NOS1AP: variants seen among roughly 807,000 people sequenced by gnomAD.
NOS1AP encodes nitric oxide synthase 1 adaptor protein, also known as carboxyl-terminal PDZ ligand of neuronal nitric oxide synthase protein.
Under a neutral mutation model 56.2 loss-of-function variants are expected in NOS1AP, and 21 were observed. The ratio of observed to expected loss-of-function variants is 0.37; its 90% CI spans 0.26 to 0.54. NOS1AP has a LOEUF of 0.54. NOS1AP is among the 20% of genes least tolerant of loss of function. NOS1AP has a pLI of 0.84. For missense variants in NOS1AP, 522 were observed against 657.8 expected (o/e 0.79, Z 2.26); for synonymous variants, 270 against 274.6 (o/e 0.98, Z 0.17).
At chr1:162,353,827 C>T (rs1657603257) in intron 6 of NOS1AP, among the ~76,000 whole-genome samples, 2 of 152,208 alleles carry the variant, frequency 1.3e-5, no homozygotes, top group South Asian at 4.1e-4. Flanking sequence ...AGGCTAAGCA[C>T]CCAGCCATCA....
chr1:162,332,970 G>C, intron 4 of NOS1AP, 47 bp from the exon 5 acceptor site: 1 of 1,358,178 alleles, frequency 7.4e-7, no homozygotes, highest in Non-Finnish European at 1.1e-6. Context: ...TTGGAGATTT[G>C]AACCTAAGGC....
At chr1:162,208,345 T>C (rs559451698) in intron 2 of NOS1AP, among the ~76,000 whole-genome samples, 30 of 152,242 alleles carry the variant, frequency 2.0e-4, no homozygotes, top group Non-Finnish European at 3.5e-4. Flanking sequence ...TTGTTTCATG[T>C]AGCCTTGAGA....
intron 4 of NOS1AP, among the ~76,000 whole-genome samples, chr1:162,302,176 T>C (rs570968448): frequency 6.6e-6 from 1 of 152,344 alleles, no homozygotes; most frequent in South Asian, 2.1e-4. Context: ...AAAAAACAAA[T>C]GTCAATTTTT....
chr1:162,333,256 C>T (rs1033784050), intron 5 of NOS1AP, 131 bp downstream of exon 5: 1 of 707,506 alleles, frequency 1.4e-6, no homozygotes, highest in Admixed American at 2.0e-5. Context: ...AGTCGTCTGT[C>T]ATTGCTCCTA....
At chr1:162,294,189 A>AAGGG in intron 3 of NOS1AP, among the ~76,000 whole-genome samples, 2 of 34,000 alleles carry the variant, frequency 5.9e-5, no homozygotes, top group South Asian at 1.7e-3. Context: ...GGAAGGAAGG[A>AAGGG]AGGAAGTAAG....
intron 4 of NOS1AP, among the ~76,000 whole-genome samples, chr1:162,324,729 T>C (rs1258097739): frequency 6.6e-6 from 1 of 152,198 alleles, no homozygotes; most frequent in Non-Finnish European, 1.5e-5. Context: ...AGGCACACAG[T>C]AGATCTTTGT....
chr1:162,104,673 C>T (rs1190212130), intron 1 of NOS1AP, among the ~76,000 whole-genome samples: 1 of 152,018 alleles, frequency 6.6e-6, no homozygotes, highest in Non-Finnish European at 1.5e-5. Context: ...CTCTGAGATT[C>T]TTTCTTTCAC....
intron 2 of NOS1AP, among the ~76,000 whole-genome samples, chr1:162,257,240 G>T (rs1471887055): frequency 6.6e-6 from 1 of 152,166 alleles, no homozygotes; most frequent in African/African-American, 2.4e-5. Flanking sequence ...CAAATGCTGG[G>T]GAGTTGGTAC....
chr1:162,318,464 G>A (rs1656301059), intron 4 of NOS1AP, among the ~76,000 whole-genome samples: 1 of 152,178 alleles, frequency 6.6e-6, no homozygotes, highest in Admixed American at 6.5e-5. Flanking sequence ...AGCACTTAAT[G>A]CTGTGGGTCT....
In NOS1AP at chr1:162,304,812, A is replaced by G. The variant is rs200405750; in HGVS notation, c.344+4106A>G. The stretch of plus-strand genomic sequence containing the variant: ...TGTGTGTGTGTGTGTGTGTGTGTGT[A>G]TGAGGACTTTTTTCTAAAATATATA... On this transcript the variant is annotated intron_variant, in intron 4 of 9. Transcript: ENST00000361897. Among the ~76,000 whole-genome samples, 8 of 103,692 alleles carry G rather than the reference A, an allele frequency of 7.7e-5. No individual in the cohort carries two copies. The East Asian group carries it at 8.8e-4, about 11-fold the overall frequency. The allele number at this position is 103,692 out of a possible 152,430, so 68.0% of individuals were successfully genotyped here.
At chr1:162,134,199 A>G (rs1648879840) in intron 1 of NOS1AP, among the ~76,000 whole-genome samples, 1 of 152,122 alleles carries the variant, frequency 6.6e-6, no homozygotes, top group Admixed American at 6.5e-5. Context: ...TTTATCTCAA[A>G]GCAAAACTGG....
chr1:162,075,435 C>A lies in NOS1AP; in HGVS notation c.105+5153C>A, dbSNP rs115013573. ...TGGATTTTAGAGATTCCAGTAACCTCAGCAGGATATCTGTGGATGCCTCTT... is the reference window on the plus strand; with the variant it reads ...TGGATTTTAGAGATTCCAGTAACCTAAGCAGGATATCTGTGGATGCCTCTT... On this transcript the variant is annotated intron_variant, in intron 1 of 9. Transcript: ENST00000361897. Among the ~76,000 whole-genome samples the A allele has an allele frequency of 4.9e-3, 740 of 152,332 alleles. 6 individuals are homozygous for A. The highest frequency in any genetic ancestry group is 7.3e-3 in the Non-Finnish European group (498 of 68,028).
intron 8 of NOS1AP, chr1:162,362,879 A>G (rs188970770): frequency 3.4e-6 from 3 of 880,714 alleles, no homozygotes; most frequent in East Asian, 1.2e-4. Context: ...GCCACCCACC[A>G]TCTGACATCC....
At chr1:162,222,148 G>A (rs191915732) in intron 2 of NOS1AP, among the ~76,000 whole-genome samples, 103 of 152,244 alleles carry the variant, frequency 6.8e-4, no homozygotes, top group African/African-American at 2.2e-3. Flanking sequence ...TGCCAATTTC[G>A]TTAGGTAATA....
chr1:162,307,408 T>G (rs1655870590), intron 4 of NOS1AP, among the ~76,000 whole-genome samples: 1 of 152,198 alleles, frequency 6.6e-6, no homozygotes, highest in Admixed American at 6.5e-5. Context: ...AATTCTTCAG[T>G]TATGAGTTTA....
chr1:162,121,705 C>T (rs10918705), intron 1 of NOS1AP, among the ~76,000 whole-genome samples: 35,689 of 152,060 alleles, frequency 0.23, 8,113 homozygotes, highest in African/African-American at 0.6. Flanking sequence ...ACAATAACAA[C>T]AAAAATAACA....
chr1:162,352,388 G>A (rs1186609540), intron 6 of NOS1AP, among the ~76,000 whole-genome samples: 1 of 151,192 alleles, frequency 6.6e-6, no homozygotes. Context: ...TACCCCTTAA[G>A]TGTTGGAATT....
At chr1:162,287,572 T>C (rs762973818) in intron 3 of NOS1AP, 136 bp downstream of exon 3, 76 of 731,864 alleles carry the variant, frequency 1.0e-4, no homozygotes, top group Non-Finnish European at 1.7e-4. Context: ...TGAGCAGCAA[T>C]GGTGCTGACA....
chr1:162,207,548 G>A (rs917718444), intron 2 of NOS1AP, among the ~76,000 whole-genome samples: 3 of 152,226 alleles, frequency 2.0e-5, no homozygotes, highest in South Asian at 2.1e-4. Context: ...ACTTTACAGG[G>A]TTGTGGTCAA....
Sources: allele counts gnomAD v4.1 joint callset (sites outside exome capture counted in the v4.1 genomes callset), GRCh38; gene constraint gnomAD v4.1.1; transcripts MANE v1.5; gene names NCBI Gene and HGNC (gene_info 2026-07-23, HGNC 2026-07-21).